The following MED12 variants were observed in gnomAD, a reference collection of about 807,000 sequenced individuals.
MED12 encodes the protein mediator complex subunit 12.
A neutral mutation model predicts 177.7 loss-of-function variants in MED12; 10 were observed. The observed-to-expected ratio is 0.06, with a 90% CI of 0.03 to 0.10. The LOEUF (loss-of-function observed/expected upper bound fraction) is 0.10. Ranked by LOEUF, MED12 falls within the 10% of genes least tolerant of loss-of-function variation. The probability of loss-of-function intolerance (pLI) is 1.00; values close to 1 mark genes in which losing one functional copy is unlikely to be tolerated. For synonymous variants in MED12, 641 were observed against 678.4 expected (o/e 0.94, Z 0.86); for missense variants, 867 against 1,780.8 (o/e 0.49, Z 9.23).
chrX:71,141,985 A>G, intron 44 of MED12, 21 bp downstream of exon 44: 1 of 1,204,866 alleles, frequency 8.3e-7, no homozygotes, highest in African/African-American at 1.7e-5. Flanking sequence ...CTGCCTTCCC[A>G]AGGAGAACCC....
At chrX:71,140,930 T>C in intron 42 of MED12, 73 bp downstream of exon 42, 1 of 1,192,094 alleles carries the variant, frequency 8.4e-7, no homozygotes, top group Non-Finnish European at 1.1e-6. Flanking sequence ...TCCCACACAG[T>C]TACCGAGACT....
intron 33 of MED12, 92 bp from the exon 34 acceptor site, chrX:71,134,265 T>G (rs1197491864): frequency 9.9e-6 from 4 of 406,069 alleles, no homozygotes; most frequent in Non-Finnish European, 1.8e-5. Flanking sequence ...AAGCATGAAC[T>G]CAGGCGTCCC....
chrX:71,123,802 C>T (rs182423367), intron 12 of MED12, 82 bp downstream of exon 12: 2 of 1,011,208 alleles, frequency 2.0e-6, no homozygotes, highest in East Asian at 3.3e-5. Flanking sequence ...AATTAACAGC[C>T]CTCTGGTCTA....
rs892660173 is a variant in MED12, at chrX:71,141,366, C to G, written c.6404C>G (p.Pro2135Arg). The G allele has an allele frequency of 6.0e-6, 7 of 1,164,370 alleles. No individual in the cohort carries two copies. Among genetic ancestry groups the G allele is most frequent in the Non-Finnish European group, 8.0e-6 (7 of 871,988 alleles). ...CCCCAACCCCAGCCCCAGTCCCAGC[C>G]CCAGGTAGCTGCTGGACTACAGCCC... ...APPQPQPQSQ[P>R]QFQRQGLQQT... The change falls in exon 43 of 45, where the codon CCC becomes CGC. Residue 2135 changes from proline to arginine, a missense_variant. Pro to Arg is a moderately radical substitution (Grantham distance 103). Around this residue, in one of 14 missense-constraint regions of MED12, gnomAD observed 236 missense variants for 345.2 expected, o/e 0.68. Coordinates refer to ENST00000374080, the MANE Select transcript of MED12 (RefSeq NM_005120.3).
In MED12 at chrX:71,126,097, T is replaced by C. The variant is rs781733323; in HGVS notation, c.2484T>C (p.Asp828=). 2.6e-5 allele frequency: 32 copies of C among 1,209,770 alleles called. No individual in the cohort carries two copies. The highest frequency in any genetic ancestry group is 2.0e-5 in the Non-Finnish European group (18 of 894,940). Residue 828 remains aspartate (D), a synonymous_variant, in exon 18 of 45, where the codon GAT becomes GAC. Coordinates refer to ENST00000374080, the MANE Select transcript of MED12 (RefSeq NM_005120.3). ...NRPEAFPTAE[D]IFAKFQHLSH... ...CTGAAGCCTTCCCCACTGCTGAAGA[T>C]ATCTTTGCTAAGTTCCAGCACCTTT... is the stretch of plus-strand genomic sequence containing the variant.
At chrX:71,134,124 G>A (rs987385946) in intron 33 of MED12, among the ~76,000 whole-genome samples, 1 of 108,804 alleles carries the variant, frequency 9.2e-6, no homozygotes, top group Admixed American at 9.8e-5. Context: ...CCAGCTACTC[G>A]GGAGGCTGAG....
At chrX:71,128,160 A>T in intron 22 of MED12, 40 bp downstream of exon 22, 1 of 1,190,684 alleles carries the variant, frequency 8.4e-7, no homozygotes, top group Non-Finnish European at 1.1e-6. Context: ...CCATGCCCCC[A>T]TCTGAGATAG....
At chrX:71,119,506 A>C (rs2147772194) in intron 2 of MED12, 29 bp downstream of exon 2, 1 of 1,143,361 alleles carries the variant, frequency 8.7e-7, no homozygotes, top group Non-Finnish European at 1.2e-6. Flanking sequence ...GCTGAAGGAA[A>C]AGGCTGGAAG....
intron 17 of MED12, 99 bp downstream of exon 17, chrX:71,125,812 T>C: frequency 1.2e-6 from 1 of 801,243 alleles, no homozygotes; most frequent in Admixed American, 2.4e-5. Flanking sequence ...CCACATAGTC[T>C]GTGGTCCTCT....
chrX:71,123,477 G>A (rs1438685893), intron 11 of MED12, 117 bp from the exon 12 acceptor site: 5 of 914,363 alleles, frequency 5.5e-6, no homozygotes, highest in Non-Finnish European at 6.3e-6. Context: ...GTCAGCAGGG[G>A]AATGAAAGTG....
At position 71,133,231 on chromosome X, in the gene MED12, GAGA is replaced by G; in HGVS notation, c.4617+25_4617+27del. On this transcript the variant is annotated intron_variant, in intron 33 of 44. Coordinates refer to ENST00000374080, the MANE Select transcript of MED12 (RefSeq NM_005120.3). The stretch of plus-strand genomic sequence containing the variant: ...CAACCTGGTGAGAAGGCCAGCTGGG[GAGA>G]AGAAGGAAGAGGGTAGGGCTGGAAA... 9.0e-7 allele frequency: 1 copy of G among 1,105,999 alleles called. No homozygotes were observed. The highest frequency in any genetic ancestry group is 3.0e-5 in the East Asian group (1 of 33,487). The allele number at this position is 1,105,999 out of a possible 1,213,427, so 91.1% of individuals were successfully genotyped here.
intron 30 of MED12, 66 bp downstream of exon 30, chrX:71,132,272 C>T (rs2147813928): frequency 3.4e-6 from 4 of 1,174,325 alleles, no homozygotes. Context: ...TGAGTGATAT[C>T]AGATGCGTGG....
intron 28 of MED12, 104 bp downstream of exon 28, chrX:71,130,318 GACAA>G: frequency 1.2e-6 from 1 of 851,089 alleles, no homozygotes; most frequent in Middle Eastern, 4.3e-4. Flanking sequence ...TAGAGAGGAA[GACAA>G]ACAAGGATAT....
At position 71,122,511 on chromosome X, in the gene MED12, C is replaced by T. The variant is rs2147783217; in HGVS notation, c.1252C>T (p.Arg418Cys). 4 of 1,210,463 alleles carry T rather than the reference C, an allele frequency of 3.3e-6. No homozygotes were observed. The highest frequency in any genetic ancestry group is 1.8e-5 in the South Asian group (1 of 56,986). ...EGNSAFTQQVRAKLREIEQQI... is the reference protein window; with the variant it reads ...EGNSAFTQQVCAKLREIEQQI... ...GCCTTCCTTTTTAACATTGCAGGTC[C>T]GTGCAAAGTTGCGGGAGATCGAGCA... Residue 418 changes from arginine to cysteine, a missense_variant, in exon 9 of 45, where the codon CGT (arginine) becomes TGT (cysteine). Physicochemically the swap from Arg to Cys is radical, Grantham distance 180. This residue lies in a region of MED12 where 309 missense variants were observed against 556.3 expected (regional missense o/e 0.56). Coordinates refer to ENST00000374080, the MANE Select transcript of MED12 (RefSeq NM_005120.3).
intron 19 of MED12, among the ~76,000 whole-genome samples, chrX:71,126,697 T>C (rs761840050): frequency 3.2e-4 from 36 of 112,138 alleles, no homozygotes; most frequent in Non-Finnish European, 2.8e-4. Flanking sequence ...GATTAGAGCA[T>C]TGGGCACAGA....
At chrX:71,120,704 G>C (rs913306653) in intron 4 of MED12, among the ~76,000 whole-genome samples, 1 of 109,954 alleles carries the variant, frequency 9.1e-6, no homozygotes, top group African/African-American at 3.3e-5. Context: ...TCCACCTCCC[G>C]GGTTAAAGTG....
At chrX:71,118,946 T>G (rs1321738615) in intron 1 of MED12, 93 bp downstream of exon 1, 7 of 757,331 alleles carry the variant, frequency 9.2e-6, no homozygotes, top group Non-Finnish European at 1.3e-5. Context: ...GCGGGGCGGT[T>G]CGGTGAGAGC....
In MED12 at chrX:71,124,725, TA is replaced by T. The variant is rs752041506; in HGVS notation, c.1975-38del. 8.9e-6 allele frequency: 10 copies of T among 1,120,138 alleles called. No individual in the cohort carries two copies. The East Asian group carries it at 2.4e-4, about 27-fold the overall frequency. The allele number at this position is 1,120,138 out of a possible 1,213,427, so 92.3% of individuals were successfully genotyped here. ...TTTACAGATGGTGGGAGCCACTCCC[TA>T]GGGCTAAAGCAACTTCGCTTATGTT... On this transcript the variant is annotated intron_variant, in intron 13 of 44. Transcript: ENST00000374080.
intron 24 of MED12, 80 bp downstream of exon 24, chrX:71,128,798 C>T: frequency 8.9e-7 from 1 of 1,120,556 alleles, no homozygotes; most frequent in Non-Finnish European, 1.2e-6. Flanking sequence ...TCTCATTGTT[C>T]ACTGTGGGAG....
Sources: allele counts gnomAD v4.1 joint callset (sites outside exome capture counted in the v4.1 genomes callset), GRCh38; gene constraint gnomAD v4.1.1; regional missense constraint gnomAD v4.1.1; transcripts MANE v1.5; gene names NCBI Gene and HGNC (gene_info 2026-07-23, HGNC 2026-07-21).